The following ASTN2 variants were observed in gnomAD, a reference collection of about 807,000 sequenced individuals.
The protein encoded by ASTN2 is astrotactin-2.
A neutral mutation model predicts 139.8 loss-of-function variants in ASTN2; 54 were observed. The ratio of observed to expected loss-of-function variants is 0.39; its 90% CI spans 0.31 to 0.48. The LOEUF is 0.48. Among genes scored for constraint, ASTN2 ranks in the 20% least tolerant of loss-of-function variants. The pLI, the probability that ASTN2 is intolerant of heterozygous loss-of-function variation, is 0.95. For synonymous variants in ASTN2, 756 were observed against 719.5 expected (o/e 1.05, Z -0.81); for missense variants, 1,565 against 1,725.1 (o/e 0.91, Z 1.64).
intron 1 of ASTN2, among the ~76,000 whole-genome samples, chr9:117,338,452 C>T (rs1460561947): frequency 6.6e-6 from 1 of 152,212 alleles, no homozygotes; most frequent in East Asian, 1.9e-4. Flanking sequence ...CTCCTCCCAT[C>T]TTCAAATCTT....
At chr9:116,710,938 T>C (rs1828138551) in intron 16 of ASTN2, among the ~76,000 whole-genome samples, 1 of 152,032 alleles carries the variant, frequency 6.6e-6, no homozygotes. Flanking sequence ...GTGTAAGAAA[T>C]GAAGTTAAAT....
rs370552353 is a variant in ASTN2 at position 116,759,694 on chromosome 9, C to T, written c.2397-26171G>A. 4.6e-5 allele frequency among the ~76,000 whole-genome samples: 7 copies of T among 152,240 alleles called. No individual in the cohort carries two copies. In the South Asian group the frequency reaches 1.2e-3, roughly 27 times the overall value. The stretch of plus-strand genomic sequence containing the variant: ...TGTATAAAGCAAAACTTTCCAATTC[C>T]TTATCCTTCTTTATTTTTCTTTATA... On this transcript the variant is annotated intron_variant, in intron 13 of 22. Transcript: ENST00000313400.
chr9:116,730,411 A>G lies in ASTN2; in HGVS notation c.2522-1315T>C, dbSNP rs114791834. On this transcript the variant is annotated intron_variant, in intron 14 of 22. Transcript: ENST00000313400. ...ATAAAATAGTTTTTTAGAGGCTTTC[A>G]TTTTAAAGTAAAATATTCATGATCC... is the stretch of plus-strand genomic sequence containing the variant. Among the ~76,000 whole-genome samples the G allele has an allele frequency of 6.8e-3, 1,040 of 152,056 alleles. 10 individuals are homozygous for G. The highest frequency in any genetic ancestry group is 0.024 in the African/African-American group (994 of 41,460).
chr9:117,384,190 A>G (rs1004060664), intron 1 of ASTN2, among the ~76,000 whole-genome samples: 1 of 152,184 alleles, frequency 6.6e-6, no homozygotes, highest in Non-Finnish European at 1.5e-5. Flanking sequence ...GTGTGGCCAT[A>G]TAGGATTATG....
intron 16 of ASTN2, chr9:116,700,936 A>C (rs1040562830): frequency 6.0e-6 from 1 of 167,090 alleles, no homozygotes; most frequent in Admixed American, 6.5e-5. Flanking sequence ...TCTCCCAAAT[A>C]CATGTGTACA....
chr9:116,645,891 C>A (rs1343984560), intron 17 of ASTN2, among the ~76,000 whole-genome samples: 1 of 152,130 alleles, frequency 6.6e-6, no homozygotes, highest in African/African-American at 2.4e-5. Context: ...TTTTCAAGTA[C>A]TATCTAGAAG....
chr9:116,914,547 T>TTTC (rs1554760026), intron 10 of ASTN2, among the ~76,000 whole-genome samples: 1,972 of 146,904 alleles, frequency 0.013, 25 homozygotes, highest in Non-Finnish European at 0.019. Context: ...TGTAAAGTGT[T>TTTC]TTATTATTAT....
intron 19 of ASTN2, chr9:116,581,977 T>C (rs1463819931): frequency 3.3e-5 from 5 of 152,196 alleles, no homozygotes; most frequent in Non-Finnish European, 7.3e-5. Flanking sequence ...AAACTACCTT[T>C]TGGGCAAAAG....
At chr9:116,804,685 T>A (rs1830983694) in intron 13 of ASTN2, among the ~76,000 whole-genome samples, 2 of 152,138 alleles carry the variant, frequency 1.3e-5, no homozygotes, top group Admixed American at 1.3e-4. Flanking sequence ...CTACTATTAG[T>A]AAGATGATGG....
intron 19 of ASTN2, among the ~76,000 whole-genome samples, chr9:116,550,095 A>G (rs1458465184): frequency 6.6e-6 from 1 of 152,104 alleles, no homozygotes; most frequent in African/African-American, 2.4e-5. Flanking sequence ...AGTCAAAATC[A>G]TTCTCTCTCT....
intron 2 of ASTN2, among the ~76,000 whole-genome samples, chr9:117,287,586 T>C (rs1834482390): frequency 6.6e-6 from 1 of 152,188 alleles, no homozygotes; most frequent in Non-Finnish European, 1.5e-5. Context: ...ACAGTATCCA[T>C]CTTAAGGTTT....
chr9:116,591,887 T>C (rs911605237), intron 19 of ASTN2, among the ~76,000 whole-genome samples: 1 of 152,210 alleles, frequency 6.6e-6, no homozygotes, highest in Admixed American at 6.5e-5. Flanking sequence ...TATGTGGGAA[T>C]GTTATACTTC....
chr9:117,096,258 T>A, intron 4 of ASTN2, 107 bp from the exon 5 acceptor site: 1 of 864,058 alleles, frequency 1.2e-6, no homozygotes, highest in Non-Finnish European at 1.9e-6. Context: ...CTTTTCTCTG[T>A]AAATCCCAAG....
intron 13 of ASTN2, among the ~76,000 whole-genome samples, chr9:116,760,587 T>G (rs1316526922): frequency 6.6e-6 from 1 of 152,176 alleles, no homozygotes; most frequent in Non-Finnish European, 1.5e-5. Context: ...AGGCATATCT[T>G]TGGGAAGCAA....
intron 10 of ASTN2, among the ~76,000 whole-genome samples, chr9:116,958,538 G>A (rs576304922): frequency 3.3e-5 from 5 of 152,168 alleles, no homozygotes; most frequent in Middle Eastern, 3.4e-3. Context: ...GCAGTGAGCC[G>A]AGACCGCACC....
At chr9:117,065,895 C>A (rs910265347) in intron 5 of ASTN2, among the ~76,000 whole-genome samples, 3 of 152,174 alleles carry the variant, frequency 2.0e-5, no homozygotes, top group Non-Finnish European at 2.9e-5. Flanking sequence ...CTGTCACTTT[C>A]TTCGTAAGTA....
chr9:116,770,844 C>A (rs983161278), intron 13 of ASTN2, among the ~76,000 whole-genome samples: 2 of 152,152 alleles, frequency 1.3e-5, no homozygotes, highest in African/African-American at 2.4e-5. Flanking sequence ...CCCAAGGGCA[C>A]CTTCACATGT....
intron 7 of ASTN2, among the ~76,000 whole-genome samples, chr9:116,986,143 GT>G (rs1448149564): frequency 1.3e-5 from 2 of 151,928 alleles, no homozygotes; most frequent in East Asian, 3.9e-4. Context: ...TGTCCTTGCT[GT>G]GCTGTTGTCC....
At chr9:117,366,256 G>A (rs1829841139) in intron 1 of ASTN2, among the ~76,000 whole-genome samples, 1 of 152,148 alleles carries the variant, frequency 6.6e-6, no homozygotes, top group Non-Finnish European at 1.5e-5. Flanking sequence ...CAATGGCAAT[G>A]ACAAGCTGAC....
Sources: gnomAD v4.1 joint callset for allele counts (sites outside exome capture counted in the v4.1 genomes callset) on GRCh38, gnomAD v4.1.1 for gene constraint, MANE v1.5 for transcripts, NCBI Gene and HGNC (gene_info 2026-07-23, HGNC 2026-07-21) for gene names.